Variants in SLX4IP observed in about 807,000 individuals in gnomAD.
The protein encoded by SLX4IP is SLX4 interacting protein, also known as protein SLX4IP.
In SLX4IP, 34 loss-of-function variants were observed where a neutral mutation model predicts 32.9. The ratio of observed to expected loss-of-function variants is 1.03; its 90% confidence interval spans 0.79 to 1.38. SLX4IP has a LOEUF of 1.38. SLX4IP is among the 40% of genes most tolerant of loss of function. The pLI is 0.00. For synonymous variants in SLX4IP, 172 were observed against 171.7 expected (o/e 1.00, Z -0.01); for missense variants, 444 against 479.0 (o/e 0.93, Z 0.68).
intron 3 of SLX4IP, 59 bp downstream of exon 3, chr20:10,556,379 C>A: frequency 1.4e-6 from 2 of 1,460,252 alleles, no homozygotes; most frequent in Non-Finnish European, 9.5e-7. Flanking sequence ...TAAGAAATAT[C>A]AGCTCTTTCC....
rs1214591731 is a variant in SLX4IP at position 10,613,756 on chromosome 20, C to G, written c.406-7558C>G. ...ATGATATTCCTTATCCTGGGTTCCT[C>G]TGTGTACTGCACGCAAAGCACAGAC... On this transcript the variant is annotated intron_variant, in intron 6 of 7. Transcript: ENST00000334534. 3 of 1,613,790 alleles carry G rather than the reference C, an allele frequency of 1.9e-6. No individual in the cohort carries two copies. In the African/African-American group the frequency reaches 4.0e-5, roughly 22 times the overall value.
intron 2 of SLX4IP, among the ~76,000 whole-genome samples, chr20:10,473,808 GT>G: frequency 6.6e-6 from 1 of 151,660 alleles, no homozygotes; most frequent in East Asian, 1.9e-4. Flanking sequence ...GTTTCACCAT[GT>G]TGGCCCGGCT....
chr20:10,506,993 C>T (rs1029703815), intron 2 of SLX4IP, among the ~76,000 whole-genome samples: 2 of 152,182 alleles, frequency 1.3e-5, no homozygotes, highest in African/African-American at 4.8e-5. Context: ...GGCTAATTAA[C>T]ACCTTCATCA....
chr20:10,486,080 T>C (rs151226420), intron 2 of SLX4IP, among the ~76,000 whole-genome samples: 167 of 152,284 alleles, frequency 1.1e-3, no homozygotes, highest in African/African-American at 3.9e-3. Context: ...CAAACTCATG[T>C]TGTTCAAGGG....
intron 2 of SLX4IP, among the ~76,000 whole-genome samples, chr20:10,501,286 A>G (rs930784280): frequency 6.6e-6 from 1 of 152,136 alleles, no homozygotes; most frequent in Non-Finnish European, 1.5e-5. Flanking sequence ...AATTTCCGCT[A>G]TACTCCAAAA....
intron 2 of SLX4IP, among the ~76,000 whole-genome samples, chr20:10,536,555 GT>G (rs2066046760): frequency 2.6e-5 from 4 of 152,318 alleles, no homozygotes; most frequent in Admixed American, 6.5e-5. Flanking sequence ...TCTGCAGGCA[GT>G]TTCCTAAGGT....
chr20:10,560,601 G>A (rs187348905), intron 3 of SLX4IP, 99 bp from the exon 4 acceptor site: 13 of 961,844 alleles, frequency 1.4e-5, no homozygotes, highest in African/African-American at 1.0e-4. Flanking sequence ...AAATTAAAAA[G>A]CAAAATGAAA....
chr20:10,571,205 A>G lies in SLX4IP; in HGVS notation c.238+10385A>G, dbSNP rs932820916. On this transcript the variant is annotated intron_variant, in intron 4 of 7. Coordinates refer to ENST00000334534, the MANE Select transcript of SLX4IP (RefSeq NM_001009608.3). ...TGGGGGTGGCAAACATTTGAGTCCC[A>G]GGTTCGGGCACCGAGCAGTCTGGCT... Among the ~76,000 whole-genome samples the G allele has an allele frequency of 2.0e-5, 3 of 152,282 alleles. No homozygotes were observed. The South Asian group carries it at 6.2e-4, about 32-fold the overall frequency.
intron 4 of SLX4IP, among the ~76,000 whole-genome samples, chr20:10,571,036 TTGGCCAGAC>T (rs2066459129): frequency 6.6e-6 from 1 of 152,060 alleles, no homozygotes; most frequent in Admixed American, 6.5e-5. Context: ...TCTCACGATG[TTGGCCAGAC>T]TGGTCTAGAA....
In SLX4IP at chr20:10,500,016, C is replaced by A. The variant is rs181738258; in HGVS notation, c.27+41785C>A. ...CTTATTTAAGAAACACCTCTTTTGT[C>A]AGGAGACCAGAAGATTATGTAGAAC... is the stretch of plus-strand genomic sequence containing the variant. On this transcript the variant is annotated intron_variant, in intron 2 of 7. Transcript: ENST00000334534. 2.7e-4 allele frequency among the ~76,000 whole-genome samples: 41 copies of A among 151,824 alleles called. No individual in the cohort carries two copies. The East Asian group carries it at 7.6e-3, about 28-fold the overall frequency.
intron 2 of SLX4IP, among the ~76,000 whole-genome samples, chr20:10,494,396 A>G (rs1036185703): frequency 6.6e-6 from 1 of 150,378 alleles, no homozygotes; most frequent in African/African-American, 2.4e-5. Context: ...TTATATTATT[A>G]TAAGTTTCTT....
At chr20:10,568,592 T>C (rs1601012747) in intron 4 of SLX4IP, among the ~76,000 whole-genome samples, 1 of 152,342 alleles carries the variant, frequency 6.6e-6, no homozygotes, top group South Asian at 2.1e-4. Context: ...ATATGAAAGA[T>C]GCTCATGGAT....
At chr20:10,577,851 A>C (rs964883693) in intron 4 of SLX4IP, among the ~76,000 whole-genome samples, 4 of 152,256 alleles carry the variant, frequency 2.6e-5, no homozygotes, top group Non-Finnish European at 5.9e-5. Context: ...TTGCTGAATC[A>C]GTCAAAATGA....
intron 2 of SLX4IP, among the ~76,000 whole-genome samples, chr20:10,553,142 C>T (rs2066234554): frequency 6.6e-6 from 1 of 152,022 alleles, no homozygotes; most frequent in Non-Finnish European, 1.5e-5. Context: ...TTATTATGAA[C>T]GTGGGATTCA....
chr20:10,621,544 C>G, intron 7 of SLX4IP, 130 bp downstream of exon 7: 1 of 736,012 alleles, frequency 1.4e-6, no homozygotes, highest in East Asian at 2.7e-5. Context: ...TACTTACTCT[C>G]CCCTCCCTCC....
intron 1 of SLX4IP, among the ~76,000 whole-genome samples, chr20:10,439,459 C>T (rs1204298698): frequency 6.6e-6 from 1 of 152,198 alleles, no homozygotes; most frequent in East Asian, 1.9e-4. Context: ...GTCCTCCCAC[C>T]TTGGCCTCTC....
intron 6 of SLX4IP, among the ~76,000 whole-genome samples, chr20:10,616,524 A>G (rs796266339): frequency 2.0e-5 from 3 of 151,932 alleles, no homozygotes; most frequent in African/African-American, 7.3e-5. Flanking sequence ...GTCACACAAG[A>G]TCTGCCTTTT....
At chr20:10,463,860 C>T (rs111576172) in intron 2 of SLX4IP, among the ~76,000 whole-genome samples, 55 of 152,240 alleles carry the variant, frequency 3.6e-4, no homozygotes, top group East Asian at 1.5e-3. Flanking sequence ...TAACTCACTG[C>T]GGCCTTGAAC....
chr20:10,598,867 C>A, intron 5 of SLX4IP, 115 bp downstream of exon 5: 1 of 1,025,266 alleles, frequency 9.8e-7, no homozygotes, highest in Non-Finnish European at 1.5e-6. Context: ...GCCTTCATGT[C>A]TTGAGTGTGT....
Sources: gnomAD v4.1 joint callset for allele counts (sites outside exome capture counted in the v4.1 genomes callset) on GRCh38, gnomAD v4.1.1 for gene constraint, MANE v1.5 for transcripts, NCBI Gene and HGNC (gene_info 2026-07-23, HGNC 2026-07-21) for gene names.